The following PLPP3 variants were observed in gnomAD, a reference collection of about 807,000 sequenced individuals.
PLPP3 encodes the protein phospholipid phosphatase 3.
In PLPP3, 6 loss-of-function variants were observed where a neutral mutation model predicts 29.6. The ratio of observed to expected loss-of-function variants is 0.20; its 90% CI spans 0.11 to 0.40. PLPP3 has a LOEUF of 0.40. Ranked by LOEUF, PLPP3 falls within the 10% of genes least tolerant of loss-of-function variation. The probability of loss-of-function intolerance (pLI) is 1.00; values close to 1 mark genes in which losing one functional copy is unlikely to be tolerated. For synonymous variants in PLPP3, 152 were observed against 159.7 expected (o/e 0.95, Z 0.36); for missense variants, 308 against 407.7 (o/e 0.76, Z 2.11).
intron 1 of PLPP3, among the ~76,000 whole-genome samples, chr1:56,552,898 GA>G (rs1646050404): frequency 6.6e-6 from 1 of 152,190 alleles, no homozygotes; most frequent in African/African-American, 2.4e-5. Flanking sequence ...CTGTGCAGCA[GA>G]AAAAGTCCTG....
At chr1:56,533,084 T>C (rs923387695) in intron 2 of PLPP3, among the ~76,000 whole-genome samples, 2 of 151,636 alleles carry the variant, frequency 1.3e-5, no homozygotes. Context: ...ATACGTGGTC[T>C]CATCCTGTCG....
Position 56,560,956 on chromosome 1 carries a change from G to A in PLPP3, c.139+17922C>T, listed in dbSNP as rs576806243. The stretch of plus-strand genomic sequence containing the variant: ...GGGTTCACACCATTCTCCTGCCTCA[G>A]CCTCCCGAGTAGCTGGGATTACAGG... On this transcript the variant is annotated intron_variant, in intron 1 of 5. Coordinates refer to ENST00000371250, the MANE Select transcript of PLPP3 (RefSeq NM_003713.5). Among the ~76,000 whole-genome samples the A allele has an allele frequency of 3.7e-3, 540 of 147,474 alleles. 2 individuals are homozygous for A. Among genetic ancestry groups the A allele is most frequent in the African/African-American group, 0.013 (513 of 40,172 alleles).
At chr1:56,557,005 AGAAAGAG>A (rs1557513483) in intron 1 of PLPP3, among the ~76,000 whole-genome samples, 2 of 6,312 alleles carry the variant, frequency 3.2e-4, no homozygotes, top group East Asian at 6.0e-3. Context: ...AAAGAAAGAA[AGAAAGAG>A]AGAGAGAGAG....
chr1:56,543,407 T>G (rs958449373), intron 1 of PLPP3, among the ~76,000 whole-genome samples: 1 of 152,222 alleles, frequency 6.6e-6, no homozygotes, highest in Non-Finnish European at 1.5e-5. Context: ...TTTTGGCTTA[T>G]ATTTTCTTAC....
chr1:56,538,688 A>G, intron 1 of PLPP3: 1 of 255,050 alleles, frequency 3.9e-6, no homozygotes, highest in Non-Finnish European at 7.7e-6. Flanking sequence ...GTAAACAAAA[A>G]AGTTAAGGGG....
intron 1 of PLPP3, among the ~76,000 whole-genome samples, chr1:56,569,655 C>A (rs978907857): frequency 2.6e-5 from 4 of 152,132 alleles, no homozygotes; most frequent in African/African-American, 9.7e-5. Context: ...TTGCTCTCCT[C>A]GTTCACCAAA....
intron 5 of PLPP3, among the ~76,000 whole-genome samples, chr1:56,505,152 G>C (rs958588763): frequency 2.0e-5 from 3 of 152,188 alleles, no homozygotes; most frequent in Non-Finnish European, 4.4e-5. Context: ...ACTCCTTTTA[G>C]CTCTGAATCT....
intron 4 of PLPP3, among the ~76,000 whole-genome samples, chr1:56,519,507 C>G (rs2100242649): frequency 6.6e-6 from 1 of 152,230 alleles, no homozygotes; most frequent in South Asian, 2.1e-4. Context: ...AAGCATATAC[C>G]AAATGCTCAA....
At chr1:56,555,433 T>TAA (rs66593221) in intron 1 of PLPP3, among the ~76,000 whole-genome samples, 4,404 of 32,882 alleles carry the variant, frequency 0.13, 629 homozygotes, top group Non-Finnish European at 0.19. Flanking sequence ...GGCCAAACAC[T>TAA]AAAAAAAAAA....
At chr1:56,559,123 G>T (rs1009257284) in intron 1 of PLPP3, among the ~76,000 whole-genome samples, 3 of 152,142 alleles carry the variant, frequency 2.0e-5, no homozygotes, top group South Asian at 2.1e-4. Context: ...AGTAGTGAGG[G>T]GGTAGGGTGA....
At chr1:56,538,381 G>C (rs1645942236) in intron 1 of PLPP3, 1 of 316,380 alleles carries the variant, frequency 3.2e-6, no homozygotes, top group Admixed American at 3.3e-5. Flanking sequence ...ACAAATCTTG[G>C]AACTAGGGAA....
intron 1 of PLPP3, among the ~76,000 whole-genome samples, chr1:56,551,247 C>T (rs1036371991): frequency 8.5e-6 from 1 of 118,036 alleles, no homozygotes; most frequent in Admixed American, 9.1e-5. Flanking sequence ...CAAGCGAACA[C>T]CAGAGAAATC....
At position 56,536,937 on chromosome 1, in the gene PLPP3, C is replaced by T. The variant is rs1557506844; in HGVS notation, c.297+18G>A. 2 of 1,612,952 alleles carry T rather than the reference C, an allele frequency of 1.2e-6. No individual in the cohort carries two copies. The highest frequency in any genetic ancestry group is 8.5e-7 in the Non-Finnish European group (1 of 1,179,282). On this transcript the variant is annotated intron_variant, in intron 2 of 5. Transcript: ENST00000371250. ...AGAAGTCAGACAGGATCCACCATAG[C>T]AGAGTCTGGACACTTACCGCGAGGA...
intron 4 of PLPP3, among the ~76,000 whole-genome samples, chr1:56,523,359 A>G (rs572201747): frequency 3.9e-4 from 60 of 152,246 alleles, no homozygotes; most frequent in African/African-American, 1.3e-3. Context: ...GTTCACTTTA[A>G]TTTTCTGAGA....
chr1:56,496,382 A>C lies in PLPP3; in HGVS notation c.*169T>G. 3 of 708,494 alleles carry C rather than the reference A, an allele frequency of 4.2e-6. No homozygotes were observed. Among genetic ancestry groups the C allele is most frequent in the Non-Finnish European group, 6.7e-6 (3 of 449,226 alleles). The allele number at this position is 708,494 out of a possible 1,614,324, so 43.9% of individuals were successfully genotyped here. A position where few individuals can be genotyped will look rare whatever the true frequency, so the allele number is the denominator to read the frequency against. On this transcript the variant is annotated 3_prime_UTR_variant, in exon 6 of 6. Coordinates refer to ENST00000371250, the MANE Select transcript of PLPP3 (RefSeq NM_003713.5). ...TTTGCTGTTGTTTCCACATAGGCAA[A>C]CACTACCTATTTTGGAAGGCCACAT...
chr1:56,578,332 G>C (rs1223666087), intron 1 of PLPP3, among the ~76,000 whole-genome samples: 1 of 152,190 alleles, frequency 6.6e-6, no homozygotes. Context: ...CCAAGCCCGG[G>C]GAAAGCACCT....
intron 5 of PLPP3, among the ~76,000 whole-genome samples, chr1:56,497,621 T>C (rs1415702171): frequency 6.6e-6 from 1 of 152,198 alleles, no homozygotes; most frequent in Non-Finnish European, 1.5e-5. Flanking sequence ...TCAAAGTTTC[T>C]ACACCCAACA....
intron 1 of PLPP3, among the ~76,000 whole-genome samples, chr1:56,577,062 T>C (rs1200732129): frequency 6.6e-6 from 1 of 152,086 alleles, no homozygotes; most frequent in East Asian, 1.9e-4. Flanking sequence ...AAGTAGGAGG[T>C]AGGAGGGTAT....
intron 1 of PLPP3, among the ~76,000 whole-genome samples, chr1:56,563,785 T>C (rs1646145177): frequency 6.6e-6 from 1 of 152,232 alleles, no homozygotes; most frequent in South Asian, 2.1e-4. Flanking sequence ...ACCTTCATAG[T>C]GTTGTTGTGA....
Sources: allele counts gnomAD v4.1 joint callset (sites outside exome capture counted in the v4.1 genomes callset), GRCh38; gene constraint gnomAD v4.1.1; transcripts MANE v1.5; gene names NCBI Gene and HGNC (gene_info 2026-07-23, HGNC 2026-07-21).